ABCA12: variants seen among roughly 807,000 people sequenced by gnomAD.
ABCA12 encodes the protein ATP binding cassette subfamily A member 12, also known as glucosylceramide transporter ABCA12.
A neutral mutation model predicts 293.5 loss-of-function variants in ABCA12; 156 were observed. The ratio of observed to expected loss-of-function variants is 0.53; its 90% CI spans 0.47 to 0.61. The LOEUF (loss-of-function observed/expected upper bound fraction) is 0.61. Ranked by LOEUF, ABCA12 falls within the 20% of genes least tolerant of loss-of-function variation. The pLI, the probability that ABCA12 is intolerant of heterozygous loss-of-function variation, is 0.00. For synonymous variants in ABCA12, 1,063 were observed against 1,108.0 expected (o/e 0.96, Z 0.81); for missense variants, 2,797 against 3,090.2 (o/e 0.91, Z 2.25).
chr2:215,113,479 T>C (rs1373064782), intron 1 of ABCA12, among the ~76,000 whole-genome samples: 1 of 152,190 alleles, frequency 6.6e-6, no homozygotes, highest in Non-Finnish European at 1.5e-5. Context: ...GTTCAGTAGA[T>C]CTGAGGTGGG....
intron 6 of ABCA12, 149 bp from the exon 7 acceptor site, chr2:215,046,164 G>A: frequency 1.4e-6 from 1 of 725,072 alleles, no homozygotes; most frequent in South Asian, 2.0e-5. Context: ...TCTTTTATTT[G>A]GAAAACCAGC....
chr2:214,990,099 A>G (rs1381338371), intron 24 of ABCA12, among the ~76,000 whole-genome samples: 6 of 152,242 alleles, frequency 3.9e-5, no homozygotes, highest in Admixed American at 3.9e-4. Flanking sequence ...GTTTAAACCC[A>G]AAGTTGTCAA....
In ABCA12 at chr2:214,945,033, C is replaced by G; in HGVS notation, c.7311G>C (p.Gln2437His). Residue 2437 changes from glutamine to histidine, a missense_variant, in exon 49 of 53, where the codon CAG (glutamine) becomes CAC (histidine). Physicochemically the swap from Gln to His is conservative, Grantham distance 24. This residue lies in a region of ABCA12 where 2,130 missense variants were observed against 2,427.0 expected (regional missense o/e 0.88). Transcript: ENST00000272895. Reference protein sequence around the residue: ...HLWKIISEEVQNKCSVILTSH... With the variant: ...HLWKIISEEVHNKCSVILTSH... ...ATGTGAGGATGACGGAACATTTGTT[C>G]TGTACTTCTTCTGAAATGATCTTCC... is the stretch of plus-strand genomic sequence containing the variant. The G allele has an allele frequency of 6.2e-7, 1 of 1,613,770 alleles. No individual in the cohort carries two copies. Among genetic ancestry groups the G allele is most frequent in the South Asian group, 1.1e-5 (1 of 91,048 alleles).
At chr2:215,066,285 G>A (rs181647088) in intron 2 of ABCA12, among the ~76,000 whole-genome samples, 55 of 152,202 alleles carry the variant, frequency 3.6e-4, no homozygotes, top group Non-Finnish European at 6.8e-4. Context: ...CAAACACATG[G>A]AGTGGCTGAT....
chr2:215,085,298 A>G (rs1037873102), intron 2 of ABCA12: 2 of 152,124 alleles, frequency 1.3e-5, no homozygotes, highest in African/African-American at 2.4e-5. Context: ...CTGAATCAAG[A>G]TTTGGTGAAA....
chr2:214,938,055 A>G (rs986704256), intron 50 of ABCA12, among the ~76,000 whole-genome samples: 2 of 152,006 alleles, frequency 1.3e-5, no homozygotes, highest in African/African-American at 4.8e-5. Flanking sequence ...TGCTGCACCC[A>G]CCAACCCATC....
At chr2:215,027,076 G>A in intron 9 of ABCA12, 138 bp from the exon 10 acceptor site, 1 of 646,174 alleles carries the variant, frequency 1.5e-6, no homozygotes, top group Non-Finnish European at 2.8e-6. Flanking sequence ...CGGGCGCGGT[G>A]GCTCACGCCT....
rs770774395 is a variant in ABCA12, at chr2:214,989,433, G to A, written c.3725C>T (p.Pro1242Leu). 4.9e-5 allele frequency: 79 copies of A among 1,613,206 alleles called. 1 individual carries two copies. In the East Asian group the frequency reaches 5.8e-4, roughly 12 times the overall value. Reference sequence around the variant, plus strand: ...AAATGAGGTGGTGTCATCCTGAACCGGGGAGGTGTACATATTTTCCCACTG... The same window carrying A: ...AAATGAGGTGGTGTCATCCTGAACCAGGGAGGTGTACATATTTTCCCACTG... The part of the protein sequence containing the change: ...GLQWENMYTS[P>L]VQDDTTSFGW... The change falls in exon 26 of 53, where the codon CCG (proline) becomes CTG (leucine). Residue 1242 changes from proline to leucine, a missense_variant. Pro to Leu is a moderately conservative substitution (Grantham distance 98). Coordinates refer to ENST00000272895, the MANE Select transcript of ABCA12 (RefSeq NM_173076.3).
At chr2:215,070,947 A>G (rs934520119) in intron 2 of ABCA12, among the ~76,000 whole-genome samples, 1 of 152,258 alleles carries the variant, frequency 6.6e-6, no homozygotes, top group East Asian at 1.9e-4. Context: ...TGGGATGCCA[A>G]GACGGATGGA....
At chr2:214,994,054 A>G (rs1699983094) in intron 23 of ABCA12, among the ~76,000 whole-genome samples, 2 of 152,052 alleles carry the variant, frequency 1.3e-5, no homozygotes, top group South Asian at 4.1e-4. Flanking sequence ...CTAGCATGAA[A>G]CTTCAGTGTT....
At chr2:214,951,313 C>G (rs1445175767) in intron 44 of ABCA12, among the ~76,000 whole-genome samples, 1 of 152,162 alleles carries the variant, frequency 6.6e-6, no homozygotes, top group Admixed American at 6.5e-5. Context: ...TAAATGTTTA[C>G]AGATCCACTG....
intron 18 of ABCA12, among the ~76,000 whole-genome samples, chr2:215,009,916 T>G (rs1033852000): frequency 3.3e-5 from 5 of 152,214 alleles, no homozygotes; most frequent in Non-Finnish European, 7.3e-5. Context: ...CAACTAAATA[T>G]GAAGCCAAGA....
At chr2:215,101,398 C>A (rs534018796) in intron 2 of ABCA12, among the ~76,000 whole-genome samples, 1 of 152,302 alleles carries the variant, frequency 6.6e-6, no homozygotes, top group Non-Finnish European at 1.5e-5. Context: ...TCCAACTCCA[C>A]CTCCACCTCC....
At chr2:215,042,679 C>T (rs979621336) in intron 7 of ABCA12, among the ~76,000 whole-genome samples, 2 of 152,070 alleles carry the variant, frequency 1.3e-5, no homozygotes, top group East Asian at 1.9e-4. Flanking sequence ...TTGCCTCAAA[C>T]GTTTATTATT....
At chr2:214,946,267 T>A (rs866005481) in intron 48 of ABCA12, among the ~76,000 whole-genome samples, 3 of 152,106 alleles carry the variant, frequency 2.0e-5, no homozygotes, top group African/African-American at 7.2e-5. Context: ...AGTGTTAATT[T>A]GGGGAAACAA....
intron 33 of ABCA12, among the ~76,000 whole-genome samples, chr2:214,978,114 C>T (rs1699561945): frequency 6.6e-6 from 1 of 152,062 alleles, no homozygotes; most frequent in Non-Finnish European, 1.5e-5. Context: ...TCACATTCTT[C>T]AAAGTACTTT....
In ABCA12 at chr2:214,980,540, T is replaced by A. The variant is rs1205711178; in HGVS notation, c.4683A>T (p.Pro1561=). 3 of 1,613,976 alleles carry A rather than the reference T, an allele frequency of 1.9e-6. No homozygotes were observed. In the South Asian group the frequency reaches 3.3e-5, roughly 18 times the overall value. ...CGCCAAAGGCTTCCTTGAGGTAAAATGGGGACCCACAGCACCTAAGCCCAC... is the reference window on the plus strand; with the variant it reads ...CGCCAAAGGCTTCCTTGAGGTAAAAAGGGGACCCACAGCACCTAAGCCCAC... ...EQGGLRCCGS[P]FYLKEAFGDG... The change falls in exon 31 of 53, where the codon CCA becomes CCT. Residue 1561 remains proline, a synonymous_variant. Coordinates refer to ENST00000272895, the MANE Select transcript of ABCA12 (RefSeq NM_173076.3).
chr2:215,060,448 T>A (rs1701507153), intron 3 of ABCA12, among the ~76,000 whole-genome samples: 1 of 152,084 alleles, frequency 6.6e-6, no homozygotes, highest in Admixed American at 6.6e-5. Flanking sequence ...TTTTATTTCA[T>A]AATGATCAAT....
chr2:215,038,197 C>G (rs987628485), intron 7 of ABCA12, among the ~76,000 whole-genome samples: 6 of 151,958 alleles, frequency 3.9e-5, no homozygotes, highest in Admixed American at 1.3e-4. Flanking sequence ...TGTTTATAAA[C>G]ATACATAAAA....
Sources: allele counts gnomAD v4.1 joint callset (sites outside exome capture counted in the v4.1 genomes callset), GRCh38; gene constraint gnomAD v4.1.1; regional missense constraint gnomAD v4.1.1; transcripts MANE v1.5; gene names NCBI Gene and HGNC (gene_info 2026-07-23, HGNC 2026-07-21).